Variants in ACER3 observed in about 807,000 individuals in gnomAD.
The protein encoded by ACER3 is alkaline ceramidase 3.
ACER3 carries 16 observed loss-of-function variants against 48.9 expected under a neutral mutation model. The ratio of observed to expected loss-of-function variants is 0.33; its 90% CI spans 0.22 to 0.50. The LOEUF (loss-of-function observed/expected upper bound fraction) is 0.50. Among genes scored for constraint, ACER3 ranks in the 20% least tolerant of loss-of-function variants. The probability of loss-of-function intolerance (pLI) is 0.98; values close to 1 mark genes in which losing one functional copy is unlikely to be tolerated. For missense variants in ACER3, 227 were observed against 326.0 expected (o/e 0.70, Z 2.34); for synonymous variants, 109 against 107.8 (o/e 1.01, Z -0.07).
chr11:77,003,192 T>G (rs1291427835), intron 7 of ACER3, among the ~76,000 whole-genome samples: 1 of 152,256 alleles, frequency 6.6e-6, no homozygotes, highest in Non-Finnish European at 1.5e-5. Flanking sequence ...GTTCAGCTTC[T>G]TTAATAGTCA....
At chr11:76,912,305 C>G (rs2134728027) in intron 1 of ACER3, among the ~76,000 whole-genome samples, 1 of 152,234 alleles carries the variant, frequency 6.6e-6, no homozygotes, top group East Asian at 1.9e-4. Flanking sequence ...TTCAGGGGCT[C>G]TAGAAGGAAC....
intron 1 of ACER3, among the ~76,000 whole-genome samples, chr11:76,863,880 G>C (rs986591711): frequency 6.6e-5 from 10 of 152,148 alleles, no homozygotes; most frequent in Non-Finnish European, 1.2e-4. Flanking sequence ...TCACATTGAA[G>C]TCTGACTCTA....
intron 1 of ACER3, among the ~76,000 whole-genome samples, chr11:76,869,583 A>G (rs1391007040): frequency 6.6e-6 from 1 of 152,176 alleles, no homozygotes; most frequent in Non-Finnish European, 1.5e-5. Flanking sequence ...TGGGCAATCA[A>G]TTTCCAGAAC....
intron 1 of ACER3, among the ~76,000 whole-genome samples, chr11:76,915,832 A>G (rs1946512960): frequency 6.6e-6 from 1 of 152,194 alleles, no homozygotes; most frequent in Non-Finnish European, 1.5e-5. Context: ...GAAAACTACC[A>G]TTTGTAAAAC....
At chr11:76,978,887 A>G (rs1419450647) in intron 4 of ACER3, among the ~76,000 whole-genome samples, 2 of 152,230 alleles carry the variant, frequency 1.3e-5, no homozygotes, top group East Asian at 3.9e-4. Context: ...GCAGGCTTAC[A>G]TGGAGCCAGT....
chr11:77,002,164 A>G (rs1949045553), intron 7 of ACER3, among the ~76,000 whole-genome samples: 2 of 149,100 alleles, frequency 1.3e-5, no homozygotes, highest in South Asian at 2.1e-4. Flanking sequence ...TATCTCTAAA[A>G]TAGTCACACT....
At chr11:76,882,454 A>G (rs1945553598) in intron 1 of ACER3, among the ~76,000 whole-genome samples, 1 of 152,154 alleles carries the variant, frequency 6.6e-6, no homozygotes, top group South Asian at 2.1e-4. Context: ...TTTCAGTTGT[A>G]GAGTGTCCAC....
At chr11:77,009,654 T>A (rs556162377) in intron 7 of ACER3, among the ~76,000 whole-genome samples, 1 of 152,052 alleles carries the variant, frequency 6.6e-6, no homozygotes, top group African/African-American at 2.4e-5. Flanking sequence ...ACAAAAAAAA[T>A]TAATAAATTA....
intron 3 of ACER3, among the ~76,000 whole-genome samples, chr11:76,967,254 C>T (rs1361499476): frequency 2.6e-5 from 4 of 152,098 alleles, no homozygotes; most frequent in African/African-American, 4.8e-5. Context: ...CAAGACTAAA[C>T]CAGGAAGAAG....
At chr11:76,980,371 G>A (rs747949325) in intron 4 of ACER3, among the ~76,000 whole-genome samples, 1 of 152,046 alleles carries the variant, frequency 6.6e-6, no homozygotes, top group Non-Finnish European at 1.5e-5. Context: ...TGGGTACAAA[G>A]AACTCTTAAG....
chr11:76,910,769 T>G (rs1379107483), intron 1 of ACER3, among the ~76,000 whole-genome samples: 1 of 152,196 alleles, frequency 6.6e-6, no homozygotes, highest in Non-Finnish European at 1.5e-5. Context: ...TGTGAACCAG[T>G]CACCGTTATG....
intron 6 of ACER3, among the ~76,000 whole-genome samples, chr11:76,994,968 T>A (rs182851597): frequency 6.6e-6 from 1 of 152,126 alleles, no homozygotes; most frequent in East Asian, 1.9e-4. Flanking sequence ...ACCTAGGGGC[T>A]GGAGGAAGGA....
chr11:76,888,891 G>A (rs1395194134), intron 1 of ACER3, among the ~76,000 whole-genome samples: 2 of 152,192 alleles, frequency 1.3e-5, no homozygotes, highest in Non-Finnish European at 1.5e-5. Context: ...CCAGGAGATA[G>A]GGATCTGGGG....
intron 1 of ACER3, among the ~76,000 whole-genome samples, chr11:76,918,505 G>A (rs564443589): frequency 3.1e-4 from 47 of 151,578 alleles, no homozygotes; most frequent in African/African-American, 9.7e-4. Flanking sequence ...ATTTTTGTTC[G>A]TTTTTTACTT....
intron 1 of ACER3, among the ~76,000 whole-genome samples, chr11:76,863,286 G>C (rs1175660289): frequency 6.6e-6 from 1 of 152,146 alleles, no homozygotes; most frequent in Non-Finnish European, 1.5e-5. Context: ...TGGACTCTGA[G>C]AGAGCAAGAT....
intron 1 of ACER3, among the ~76,000 whole-genome samples, chr11:76,883,720 G>A (rs1210598419): frequency 6.6e-6 from 1 of 152,122 alleles, no homozygotes; most frequent in African/African-American, 2.4e-5. Context: ...TGGGATTACA[G>A]GTGTGAGCCA....
intron 1 of ACER3, among the ~76,000 whole-genome samples, chr11:76,861,298 G>C (rs1397635369): frequency 6.8e-6 from 1 of 146,772 alleles, no homozygotes; most frequent in African/African-American, 2.5e-5. Context: ...GGGAGGAAGG[G>C]GGCCTGAGGA....
In ACER3 at chr11:76,860,925, G is replaced by T. The variant is rs1403909187; in HGVS notation, c.-52G>T. On this transcript the variant is annotated 5_prime_UTR_variant, in exon 1 of 11. Transcript: ENST00000532485. ...TGGGCCGGAGCCGGCCTGGTCGCCA[G>T]CCTAACCCGGCACAGTGAGCGGAGC... The T allele has an allele frequency of 1.5e-6, 2 of 1,373,484 alleles. No homozygotes were observed. Among genetic ancestry groups the T allele is most frequent in the African/African-American group, 3.0e-5 (2 of 67,266 alleles). 85.1% of individuals were successfully genotyped at this position (1,373,484 alleles called of 1,614,324 possible).
At chr11:76,986,988 C>T (rs1351714656) in intron 5 of ACER3, among the ~76,000 whole-genome samples, 1 of 152,128 alleles carries the variant, frequency 6.6e-6, no homozygotes, top group African/African-American at 2.4e-5. Context: ...ATTGCTTGAA[C>T]CCCGGAGGCG....
Sources: allele counts gnomAD v4.1 joint callset (sites outside exome capture counted in the v4.1 genomes callset), GRCh38; gene constraint gnomAD v4.1.1; transcripts MANE v1.5; gene names NCBI Gene and HGNC (gene_info 2026-07-23, HGNC 2026-07-21).